The following KAT14 variants were observed in gnomAD, a reference collection of about 807,000 sequenced individuals.
KAT14 encodes lysine acetyltransferase 14.
Under a neutral mutation model 78.4 loss-of-function variants are expected in KAT14, and 66 were observed. The ratio of observed to expected loss-of-function variants is 0.84; its 90% CI spans 0.69 to 1.03. The LOEUF (loss-of-function observed/expected upper bound fraction) is 1.03. Ranked by LOEUF, KAT14 falls within the 50% of genes least tolerant of loss-of-function variation. KAT14 has a pLI of 0.00. For synonymous variants in KAT14, 344 were observed against 359.4 expected, an observed-to-expected ratio of 0.96 and a Z score of 0.48; for missense variants, 870 against 972.5, an observed-to-expected ratio of 0.89 and a Z score of 1.40.
In KAT14 at chr20:18,161,974, T is replaced by C. The variant is rs1347084423; in HGVS notation, c.834T>C (p.Ala278=). 6.2e-7 allele frequency: 1 copy of C among 1,614,140 alleles called. No individual in the cohort carries two copies. The highest frequency in any genetic ancestry group is 1.1e-5 in the South Asian group (1 of 91,092). ...KDIRRAQKEA[A]GFLDRSTSST... The stretch of plus-strand genomic sequence containing the variant: ...TTAGAAGAGCCCAGAAGGAGGCCGC[T>C]GGCTTTCTTGACAGGAGCACATCTT... The change falls in exon 6 of 11, where the codon GCT becomes GCC. Residue 278 remains alanine, a synonymous_variant. Transcript: ENST00000688188.
chr20:18,152,273 A>G (rs1048441598), intron 4 of KAT14, among the ~76,000 whole-genome samples: 1 of 151,918 alleles, frequency 6.6e-6, no homozygotes. Context: ...TGAGACCCCC[A>G]TCTCTTAGAA....
chr20:18,181,027 C>T (rs1001654602), intron 7 of KAT14, among the ~76,000 whole-genome samples: 5 of 152,016 alleles, frequency 3.3e-5, no homozygotes, highest in African/African-American at 9.7e-5. Context: ...TGTGTGTTAC[C>T]TACTTGATAC....
At chr20:18,155,478 TG>T (rs1418804652) in intron 4 of KAT14, among the ~76,000 whole-genome samples, 2 of 152,190 alleles carry the variant, frequency 1.3e-5, no homozygotes, top group Non-Finnish European at 2.9e-5. Context: ...TTCCAAATAC[TG>T]GGTATTTGTG....
chr20:18,147,654 G>A (rs546564487), intron 3 of KAT14, among the ~76,000 whole-genome samples: 218 of 152,150 alleles, frequency 1.4e-3, no homozygotes, highest in African/African-American at 4.9e-3. Context: ...GCACAATCTC[G>A]GCTCACTGCA....
Position 18,187,437 on chromosome 20 carries a change from T to G in KAT14, c.2324T>G (p.Phe775Cys). Residue 775 changes from phenylalanine to cysteine, a missense_variant, in exon 11 of 11, where the codon TTC becomes TGC. Coordinates refer to ENST00000688188, the MANE Select transcript of KAT14 (RefSeq NM_001392073.1). ...GAGAGTACAGAGTGTAAACACGCAT[T>G]CTTTCTGAGGCTCCGGCGCTGATGC... ...PLESTECKHA[F>C]FLRLRR The G allele has an allele frequency of 6.2e-7, 1 of 1,614,160 alleles. No homozygotes were observed. Among genetic ancestry groups the G allele is most frequent in the Non-Finnish European group, 8.5e-7 (1 of 1,180,024 alleles).
intron 7 of KAT14, among the ~76,000 whole-genome samples, chr20:18,176,613 T>G (rs1167364623): frequency 5.3e-5 from 8 of 151,190 alleles, no homozygotes; most frequent in African/African-American, 1.9e-4. Context: ...AGGGTCAGTG[T>G]GGAAGGCCCA....
chr20:18,162,263 T>C (rs1205265781), intron 6 of KAT14, 24 bp downstream of exon 6: 11 of 1,613,184 alleles, frequency 6.8e-6, no homozygotes, highest in Non-Finnish European at 8.5e-6. Flanking sequence ...TGCTTTGCTC[T>C]TTTATTTTGG....
chr20:18,155,494 G>A (rs1212728324), intron 4 of KAT14, among the ~76,000 whole-genome samples: 1 of 152,124 alleles, frequency 6.6e-6, no homozygotes, highest in Non-Finnish European at 1.5e-5. Context: ...TTTGTGCTCT[G>A]ATCACTGATT....
At position 18,162,747 on chromosome 20, in the gene KAT14, G is replaced by A. The variant is rs1264620129; in HGVS notation, c.1470G>A (p.Leu490=). The change falls in exon 7 of 11, where the codon CTG becomes CTA. Residue 490 remains leucine, a synonymous_variant. Transcript: ENST00000688188. ...CCATGACTCCGGAAGCTCGGAGACT[G>A]AAACGCAAACTGATTGTCAGACAAG... ...AVAMTPEARR[L]KRKLIVRQAK... is the part of the protein sequence containing the mutation. 6.2e-7 allele frequency: 1 copy of A among 1,614,110 alleles called. No homozygotes were observed. Among genetic ancestry groups the A allele is most frequent in the Non-Finnish European group, 8.5e-7 (1 of 1,180,050 alleles).
chr20:18,160,214 A>T (rs1047706104), intron 5 of KAT14, among the ~76,000 whole-genome samples: 1 of 152,184 alleles, frequency 6.6e-6, no homozygotes, highest in African/African-American at 2.4e-5. Context: ...AGCTTTTAAA[A>T]TTTTAAAAAT....
Position 18,187,540 on chromosome 20 carries a change from A to G in KAT14, c.*81A>G. ...AGATCTAAAGGCAGTGATTGATTTCACAGGGAGCTCTAATCTCTGTGATTA... is the reference window on the plus strand; with the variant it reads ...AGATCTAAAGGCAGTGATTGATTTCGCAGGGAGCTCTAATCTCTGTGATTA... On this transcript the variant is annotated 3_prime_UTR_variant, in exon 11 of 11. Transcript: ENST00000688188. 1 of 1,588,204 alleles carries G rather than the reference A, an allele frequency of 6.3e-7. No homozygotes were observed. Among genetic ancestry groups the G allele is most frequent in the East Asian group, 2.3e-5 (1 of 44,156 alleles).
exon 11 of KAT14, chr20:18,188,031 GTCTACATGT>G (rs2039501234): frequency 6.4e-6 from 1 of 155,492 alleles, no homozygotes; most frequent in Non-Finnish European, 1.4e-5. Flanking sequence ...AGATGTTTGT[GTCTACATGT>G]TCTACCTGTT....
intron 3 of KAT14, among the ~76,000 whole-genome samples, chr20:18,146,859 A>T (rs545489892): frequency 8.6e-5 from 13 of 152,018 alleles, no homozygotes; most frequent in Non-Finnish European, 7.4e-5. Context: ...AAAAAAAAAA[A>T]ATTATATATT....
At chr20:18,172,456 G>A (rs2146481916) in intron 7 of KAT14, among the ~76,000 whole-genome samples, 1 of 151,730 alleles carries the variant, frequency 6.6e-6, no homozygotes, top group Admixed American at 6.6e-5. Context: ...GAGTGTAGTG[G>A]CACAATCATG....
In KAT14 at chr20:18,165,984, G is replaced by A. The variant is rs571652424; in HGVS notation, c.1668+3039G>A. Among the ~76,000 whole-genome samples the A allele has an allele frequency of 5.3e-5, 8 of 152,270 alleles. No homozygotes were observed. In the South Asian group the frequency reaches 6.2e-4, roughly 12 times the overall value. On this transcript the variant is annotated intron_variant, in intron 7 of 10. Coordinates refer to ENST00000688188, the MANE Select transcript of KAT14 (RefSeq NM_001392073.1). ...CGTAGATAAGATTCTGGGCCACGAC[G>A]CCATAGGTTTAAAAGATGGTCAGTG... is the stretch of plus-strand genomic sequence containing the variant.
chr20:18,158,125 G>A (rs1397630897), intron 4 of KAT14, among the ~76,000 whole-genome samples: 8 of 152,074 alleles, frequency 5.3e-5, no homozygotes, highest in East Asian at 1.9e-4. Context: ...TAGTAGAGAC[G>A]GGGTTTCACC....
chr20:18,145,471 G>C, intron 3 of KAT14, 120 bp downstream of exon 3: 1 of 1,391,518 alleles, frequency 7.2e-7, no homozygotes, highest in East Asian at 2.3e-5. Context: ...TTTTTATTTC[G>C]CAATGAAATT....
chr20:18,166,607 C>T (rs567068627), intron 7 of KAT14, among the ~76,000 whole-genome samples: 2 of 152,340 alleles, frequency 1.3e-5, no homozygotes, highest in African/African-American at 4.8e-5. Context: ...ACTTTCTACA[C>T]TATGTCTGCC....
At chr20:18,180,531 T>G (rs1375791053) in intron 7 of KAT14, among the ~76,000 whole-genome samples, 1 of 152,204 alleles carries the variant, frequency 6.6e-6, no homozygotes, top group Non-Finnish European at 1.5e-5. Flanking sequence ...TTTTCAGATA[T>G]CTTTTCAGCA....
Sources: allele counts gnomAD v4.1 joint callset (sites outside exome capture counted in the v4.1 genomes callset), GRCh38; gene constraint gnomAD v4.1.1; transcripts MANE v1.5; gene names NCBI Gene and HGNC (gene_info 2026-07-23, HGNC 2026-07-21).